Variants in PRKN observed in about 807,000 individuals in gnomAD.
PRKN encodes parkin RBR E3 ubiquitin protein ligase, also known as E3 ubiquitin-protein ligase parkin.
PRKN carries 56 observed loss-of-function variants against 59.5 expected under a neutral mutation model. The observed-to-expected ratio is 0.94, with a 90% CI of 0.76 to 1.18. The LOEUF is 1.18. Ranked by LOEUF, PRKN falls within the 50% of genes most tolerant of loss-of-function variation. The pLI is 0.00. For missense variants in PRKN, 657 were observed against 596.4 expected (o/e 1.10, Z -1.06); for synonymous variants, 250 against 222.1 (o/e 1.13, Z -1.12).
intron 1 of PRKN, among the ~76,000 whole-genome samples, chr6:162,476,374 C>T (rs1393119974): frequency 2.0e-5 from 3 of 152,152 alleles, no homozygotes; most frequent in Non-Finnish European, 2.9e-5. Flanking sequence ...GCCCAGCCCA[C>T]TCTTTTTGAG....
At chr6:161,434,457 T>C (rs893884056) in intron 9 of PRKN, among the ~76,000 whole-genome samples, 2 of 152,146 alleles carry the variant, frequency 1.3e-5, no homozygotes, top group African/African-American at 4.8e-5. Context: ...TCCGTCTTCA[T>C]GAAGCCAGAG....
chr6:162,350,418 T>G (rs1784576218), intron 2 of PRKN, among the ~76,000 whole-genome samples: 2 of 152,304 alleles, frequency 1.3e-5, no homozygotes, highest in East Asian at 1.9e-4. Flanking sequence ...TAGAGAACAC[T>G]ACTAAATTTT....
Position 161,575,880 on chromosome 6 carries a change from G to A in PRKN, c.872-6464C>T, listed in dbSNP as rs73593485. On this transcript the variant is annotated intron_variant, in intron 7 of 11. Coordinates refer to ENST00000366898, the MANE Select transcript of PRKN (RefSeq NM_004562.3). This position sits in a 1 kb window ranked among gnomAD's most constrained non-coding sequence, Gnocchi z 4.6. ...AACTTAGAAAAGGAAACCGACTAAC[G>A]ACAAAATGGCATCAAAAATAAATGA... 6.6e-6 allele frequency among the ~76,000 whole-genome samples: 1 copy of A among 152,078 alleles called. No homozygotes were observed. The highest frequency in any genetic ancestry group is 6.5e-5 in the Admixed American group (1 of 15,274).
At chr6:162,137,473 C>A (rs911351165) in intron 4 of PRKN, among the ~76,000 whole-genome samples, 1 of 152,206 alleles carries the variant, frequency 6.6e-6, no homozygotes, top group Non-Finnish European at 1.5e-5. Flanking sequence ...ACACTATAAG[C>A]AGCTAGAAAA....
intron 9 of PRKN, among the ~76,000 whole-genome samples, chr6:161,512,011 C>G (rs2115334079): frequency 6.6e-6 from 1 of 152,314 alleles, no homozygotes; most frequent in East Asian, 1.9e-4. Flanking sequence ...TGCACACACA[C>G]CTACATTGTT....
At chr6:162,146,769 T>C (rs758137118) in intron 4 of PRKN, among the ~76,000 whole-genome samples, 24 of 151,934 alleles carry the variant, frequency 1.6e-4, no homozygotes, top group Non-Finnish European at 3.1e-4. Flanking sequence ...CCTCCCAAAG[T>C]GCTGGGGTTA....
At chr6:162,369,841 C>T (rs1583452475) in intron 2 of PRKN, among the ~76,000 whole-genome samples, 1 of 152,120 alleles carries the variant, frequency 6.6e-6, no homozygotes, top group Admixed American at 6.6e-5. Context: ...GGATGGCAGA[C>T]CTAGGAGCTG....
chr6:162,093,308 C>T (rs964674794), intron 4 of PRKN, among the ~76,000 whole-genome samples: 4 of 152,190 alleles, frequency 2.6e-5, no homozygotes, highest in African/African-American at 9.7e-5. Context: ...AGCTGCACTT[C>T]CTCTTCCTTG....
intron 1 of PRKN, among the ~76,000 whole-genome samples, chr6:162,563,085 G>T (rs1178418335): frequency 6.6e-6 from 1 of 152,166 alleles, no homozygotes; most frequent in Non-Finnish European, 1.5e-5. Context: ...GGCGGATCAT[G>T]AAGTCAGGAG....
At chr6:162,255,701 C>T (rs184638164) in intron 3 of PRKN, among the ~76,000 whole-genome samples, 83 of 152,270 alleles carry the variant, frequency 5.5e-4, no homozygotes, top group African/African-American at 1.9e-3. Flanking sequence ...TACTGCCAGT[C>T]GGCTTAGCAT....
At chr6:161,855,767 A>AT (rs1793625044) in intron 6 of PRKN, among the ~76,000 whole-genome samples, 1 of 152,208 alleles carries the variant, frequency 6.6e-6, no homozygotes, top group African/African-American at 2.4e-5. Context: ...ATATCTTGTT[A>AT]CCCAACTGGA....
chr6:162,222,052 A>ATT (rs1777959301), intron 3 of PRKN, among the ~76,000 whole-genome samples: 1 of 152,110 alleles, frequency 6.6e-6, no homozygotes, highest in Non-Finnish European at 1.5e-5. Context: ...TTACAGGTAA[A>ATT]ACATTGGTTT....
chr6:162,406,136 C>A (rs984730803), intron 2 of PRKN, among the ~76,000 whole-genome samples: 2 of 152,180 alleles, frequency 1.3e-5, no homozygotes, highest in Non-Finnish European at 2.9e-5. Flanking sequence ...ATGTGCCAGG[C>A]ACCAAACTCA....
chr6:161,486,057 A>AT (rs950646314), intron 9 of PRKN, among the ~76,000 whole-genome samples: 1 of 151,984 alleles, frequency 6.6e-6, no homozygotes, highest in Non-Finnish European at 1.5e-5. Flanking sequence ...CCAGAAACCC[A>AT]TTTTTTAGAA....
intron 4 of PRKN, among the ~76,000 whole-genome samples, chr6:162,164,995 G>C (rs1782915134): frequency 6.7e-6 from 1 of 148,316 alleles, no homozygotes; most frequent in Non-Finnish European, 1.5e-5. Flanking sequence ...GCTACTAATG[G>C]TATCTTTACT....
Position 161,386,839 on chromosome 6 carries a change from T to C in PRKN, c.1122A>G (p.Glu374=). The change falls in exon 10 of 12, where the codon GAA becomes GAG. Residue 374 remains glutamate, a synonymous_variant. Coordinates refer to ENST00000366898, the MANE Select transcript of PRKN (RefSeq NM_004562.3). The surrounding 1 kb of genome is among the most constrained non-coding windows in gnomAD (Gnocchi z 4.3). ...CTTCAAATACGGCACTGCACTCCCC[T>C]TCATGGTACGCTTCTTTACATTCCC... The part of the protein sequence containing the change: ...FCRECKEAYH[E]GECSAVFEAS... The C allele has an allele frequency of 6.2e-7, 1 of 1,614,124 alleles. No homozygotes were observed. The highest frequency in any genetic ancestry group is 1.1e-5 in the South Asian group (1 of 91,084).
chr6:162,331,809 G>A (rs983934854), intron 2 of PRKN, among the ~76,000 whole-genome samples: 1 of 152,124 alleles, frequency 6.6e-6, no homozygotes, highest in African/African-American at 2.4e-5. Flanking sequence ...TGCTGACTGA[G>A]ACCTCCGTAG....
chr6:161,904,246 A>G lies in PRKN; in HGVS notation c.734+69056T>C, dbSNP rs555672260. On this transcript the variant is annotated intron_variant, in intron 6 of 11. Transcript: ENST00000366898. ...GCCAGCACGCCCACAGTTTGGGGGG[A>G]AAAAAATAGCCAGACCTTTTTTGAG... Among the ~76,000 whole-genome samples, 13 of 151,258 alleles carry G rather than the reference A, an allele frequency of 8.6e-5. No individual in the cohort carries two copies. In the South Asian group the frequency reaches 1.1e-3, roughly 12 times the overall value.
At chr6:162,178,598 G>T (rs1327435721) in intron 4 of PRKN, among the ~76,000 whole-genome samples, 3 of 152,090 alleles carry the variant, frequency 2.0e-5, no homozygotes, top group East Asian at 3.9e-4. Context: ...CCATTTTTTT[G>T]ATCAGTAGGA....
Sources: gnomAD v4.1 joint callset for allele counts (sites outside exome capture counted in the v4.1 genomes callset) on GRCh38, gnomAD v4.1.1 for gene constraint, Gnocchi (gnomAD v3.1) non-coding constraint, MANE v1.5 for transcripts, NCBI Gene and HGNC (gene_info 2026-07-23, HGNC 2026-07-21) for gene names.